KAZN: variants seen among roughly 807,000 people sequenced by gnomAD.
KAZN encodes the protein kazrin, periplakin interacting protein, also known as kazrin.
Under a neutral mutation model 87.4 loss-of-function variants are expected in KAZN, and 40 were observed. The ratio of observed to expected loss-of-function variants is 0.46; its 90% CI spans 0.36 to 0.60. The LOEUF (loss-of-function observed/expected upper bound fraction) is 0.60. Among genes scored for constraint, KAZN ranks in the 20% least tolerant of loss-of-function variants. The pLI is 0.00. For synonymous variants in KAZN, 466 were observed against 458.3 expected (o/e 1.02, Z -0.22); for missense variants, 898 against 1,073.9 (o/e 0.84, Z 2.29).
intron 1 of KAZN, among the ~76,000 whole-genome samples, chr1:14,827,215 T>C (rs1646917344): frequency 6.6e-6 from 1 of 152,210 alleles, no homozygotes; most frequent in South Asian, 2.1e-4. Context: ...CAAGGCTGAC[T>C]CTGAGCATTC....
At chr1:14,732,975 T>A (rs1328828333) in intron 1 of KAZN, among the ~76,000 whole-genome samples, 1 of 152,094 alleles carries the variant, frequency 6.6e-6, no homozygotes, top group African/African-American at 2.4e-5. Flanking sequence ...CCTTCCCCTA[T>A]GTTCACGGAG....
chr1:15,050,223 C>G (rs1039433665), intron 4 of KAZN, among the ~76,000 whole-genome samples: 5 of 126,338 alleles, frequency 4.0e-5, no homozygotes, highest in Admixed American at 8.0e-5. Flanking sequence ...TAGAATAGAA[C>G]CTTCCCCCTA....
chr1:15,043,962 G>T lies in KAZN; in HGVS notation c.556-27G>T, dbSNP rs41310369. On this transcript the variant is annotated intron_variant, in intron 3 of 14. Transcript: ENST00000376030. Reference sequence around the variant, plus strand: ...GGAGGAGCCTGGCTGTAACACCCACGGTGCTCTCTCCCTCTCCCACCCACA... The same window carrying T: ...GGAGGAGCCTGGCTGTAACACCCACTGTGCTCTCTCCCTCTCCCACCCACA... The T allele has an allele frequency of 1.9e-6, 3 of 1,583,906 alleles. No individual in the cohort carries two copies. The East Asian group carries it at 6.8e-5, about 36-fold the overall frequency.
At chr1:14,460,101 T>A (rs139946211) in intron 2 of KAZN, among the ~76,000 whole-genome samples, 170 of 152,308 alleles carry the variant, frequency 1.1e-3, no homozygotes, top group South Asian at 5.4e-3. Context: ...GGTGTTTGGA[T>A]GCCCAAGCCT....
At chr1:14,578,588 G>A (rs1675339526) in intron 2 of KAZN, among the ~76,000 whole-genome samples, 3 of 152,082 alleles carry the variant, frequency 2.0e-5, no homozygotes. Flanking sequence ...ATTGAAAAGG[G>A]AAGAATTTAA....
At chr1:14,043,971 C>G (rs904381390) in intron 1 of KAZN, among the ~76,000 whole-genome samples, 1 of 152,142 alleles carries the variant, frequency 6.6e-6, no homozygotes, top group Non-Finnish European at 1.5e-5. Context: ...CTGGGCTCAG[C>G]TGGGCCATTC....
Position 15,070,962 on chromosome 1 carries a change from G to A in KAZN, c.1222+5209G>A, listed in dbSNP as rs112041787. On this transcript the variant is annotated intron_variant, in intron 8 of 14. Transcript: ENST00000376030. Reference sequence around the variant, plus strand: ...GACTCCACTGGGCGGGGCAAAATATGCCCCGGTCCCTGGCCCCCACCTGTT... The same window carrying A: ...GACTCCACTGGGCGGGGCAAAATATACCCCGGTCCCTGGCCCCCACCTGTT... 3.1e-3 allele frequency among the ~76,000 whole-genome samples: 470 copies of A among 152,320 alleles called. 3 individuals are homozygous for A. The highest frequency in any genetic ancestry group is 5.1e-3 in the Non-Finnish European group (349 of 68,020).
intron 1 of KAZN, among the ~76,000 whole-genome samples, chr1:14,835,553 T>C (rs1647207673): frequency 6.6e-6 from 1 of 152,104 alleles, no homozygotes; most frequent in Admixed American, 6.5e-5. Flanking sequence ...GATAGTCTCA[T>C]TGTCACGGGA....
chr1:14,424,332 T>A (rs1182038545), intron 2 of KAZN, among the ~76,000 whole-genome samples: 1 of 152,314 alleles, frequency 6.6e-6, no homozygotes, highest in Admixed American at 6.5e-5. Context: ...TGAGCACAGA[T>A]GAGACAACCG....
intron 2 of KAZN, among the ~76,000 whole-genome samples, chr1:14,259,444 GCACCAAGACCT>G (rs1240775870): frequency 6.6e-6 from 1 of 152,096 alleles, no homozygotes; most frequent in Non-Finnish European, 1.5e-5. Flanking sequence ...CCAAACATCA[GCACCAAGACCT>G]CCTTTTTAAC....
intron 2 of KAZN, among the ~76,000 whole-genome samples, chr1:14,288,279 G>A (rs1653414012): frequency 1.3e-5 from 2 of 152,136 alleles, no homozygotes; most frequent in East Asian, 1.9e-4. Flanking sequence ...TGTATCTCTG[G>A]TAGAATTTGG....
At chr1:14,677,779 T>C (rs916909321) in intron 1 of KAZN, among the ~76,000 whole-genome samples, 8 of 152,032 alleles carry the variant, frequency 5.3e-5, no homozygotes, top group Non-Finnish European at 1.2e-4. Context: ...ATAGCCAGGG[T>C]CTGCACCAGT....
intron 2 of KAZN, among the ~76,000 whole-genome samples, chr1:14,500,222 C>A (rs189665040): frequency 1.2e-4 from 18 of 152,210 alleles, no homozygotes; most frequent in Admixed American, 2.6e-4. Context: ...ACTCAAGGGC[C>A]ACACCTCCCC....
At chr1:14,546,045 G>A (rs1489978826) in intron 2 of KAZN, among the ~76,000 whole-genome samples, 2 of 152,080 alleles carry the variant, frequency 1.3e-5, no homozygotes, top group African/African-American at 4.8e-5. Flanking sequence ...TCATGATGGT[G>A]GATCTTACAT....
chr1:14,579,657 C>T (rs577589941), intron 2 of KAZN, among the ~76,000 whole-genome samples: 1 of 151,512 alleles, frequency 6.6e-6, no homozygotes, highest in African/African-American at 2.4e-5. Context: ...AAAAGAAATG[C>T]TACAGTAAGC....
intron 2 of KAZN, among the ~76,000 whole-genome samples, chr1:14,482,072 G>A (rs1225969900): frequency 6.6e-6 from 1 of 152,214 alleles, no homozygotes; most frequent in Non-Finnish European, 1.5e-5. Context: ...GCCAGGCAAT[G>A]TCGGACAGCT....
intron 1 of KAZN, among the ~76,000 whole-genome samples, chr1:14,153,200 A>G (rs190651999): frequency 1.0e-3 from 159 of 152,080 alleles, no homozygotes; most frequent in African/African-American, 3.7e-3. Flanking sequence ...TTTTAATTTG[A>G]TGTGTTCACA....
chr1:14,438,116 C>G (rs1406802205), intron 2 of KAZN, among the ~76,000 whole-genome samples: 1 of 147,262 alleles, frequency 6.8e-6, no homozygotes, highest in Non-Finnish European at 1.5e-5. Context: ...AAAAAAAGAT[C>G]TGAGCAACAC....
intron 1 of KAZN, among the ~76,000 whole-genome samples, chr1:14,794,551 C>G (rs1015450272): frequency 4.1e-4 from 63 of 152,162 alleles, no homozygotes; most frequent in Admixed American, 4.1e-3. Flanking sequence ...AGCGGGGAGG[C>G]TGGTGTGTGG....
Sources: allele counts gnomAD v4.1 joint callset (sites outside exome capture counted in the v4.1 genomes callset), GRCh38; gene constraint gnomAD v4.1.1; transcripts MANE v1.5; gene names NCBI Gene and HGNC (gene_info 2026-07-23, HGNC 2026-07-21).